Variants in ARID4A observed in about 807,000 individuals in gnomAD.
ARID4A encodes AT-rich interactive domain-containing protein 4A.
A neutral mutation model predicts 148.6 loss-of-function variants in ARID4A; 39 were observed. The observed-to-expected ratio is 0.26, with a 90% CI of 0.20 to 0.34. ARID4A has a LOEUF of 0.34. Ranked by LOEUF, ARID4A falls within the 10% of genes least tolerant of loss-of-function variation. The pLI, the probability that ARID4A is intolerant of heterozygous loss-of-function variation, is 1.00. For synonymous variants in ARID4A, 475 were observed against 481.2 expected (o/e 0.99, Z 0.17); for missense variants, 1,265 against 1,449.1 (o/e 0.87, Z 2.06).
At chr14:58,361,381 A>T (rs1394764981) in intron 19 of ARID4A, among the ~76,000 whole-genome samples, 1 of 152,160 alleles carries the variant, frequency 6.6e-6, no homozygotes, top group Non-Finnish European at 1.5e-5. Context: ...TTTGTTCATG[A>T]AATAAAGATT....
chr14:58,313,374 C>G (rs900357370), intron 5 of ARID4A, among the ~76,000 whole-genome samples: 2 of 152,144 alleles, frequency 1.3e-5, no homozygotes, highest in African/African-American at 4.8e-5. Context: ...GAATGCACAA[C>G]CTATTGGTAG....
chr14:58,363,718 A>G (rs1005853764), intron 19 of ARID4A, among the ~76,000 whole-genome samples: 1 of 152,110 alleles, frequency 6.6e-6, no homozygotes, highest in Non-Finnish European at 1.5e-5. Flanking sequence ...AAAGAAAAGA[A>G]AAAACCTTTT....
Position 58,366,189 on chromosome 14 carries a change from C to T in ARID4A, c.3482C>T (p.Pro1161Leu), listed in dbSNP as rs779006151. 8 of 1,613,674 alleles carry T rather than the reference C, an allele frequency of 5.0e-6. No individual in the cohort carries two copies. Among genetic ancestry groups the T allele is most frequent in the African/African-American group, 1.3e-5 (1 of 74,898 alleles). Residue 1161 changes from proline to leucine, a missense_variant, in exon 22 of 24, where the codon CCG becomes CTG. Physicochemically the swap from Pro to Leu is moderately conservative, Grantham distance 98. Transcript: ENST00000355431. ...GEKDKHREKH[P>L]NSSPRTYKWS... Reference sequence around the variant, plus strand: ...AAAGATAAACACAGAGAAAAACATCCGAATTCATCCCCTAGGACATATAAA... The same window carrying T: ...AAAGATAAACACAGAGAAAAACATCTGAATTCATCCCCTAGGACATATAAA...
At chr14:58,322,497 C>T (rs942216161) in intron 7 of ARID4A, among the ~76,000 whole-genome samples, 1 of 151,638 alleles carries the variant, frequency 6.6e-6, no homozygotes, top group Admixed American at 6.6e-5. Flanking sequence ...TAGATGCAGT[C>T]AATAAAGAAA....
intron 11 of ARID4A, among the ~76,000 whole-genome samples, chr14:58,334,768 G>C (rs1423189474): frequency 6.6e-6 from 1 of 152,084 alleles, no homozygotes; most frequent in Non-Finnish European, 1.5e-5. Context: ...TTCAGGAAAA[G>C]AGAGACTATC....
At chr14:58,366,673 TTAG>T (rs1173961268) in intron 22 of ARID4A, among the ~76,000 whole-genome samples, 1 of 152,182 alleles carries the variant, frequency 6.6e-6, no homozygotes, top group African/African-American at 2.4e-5. Context: ...TAATAAATGT[TTAG>T]TATAGAAAAT....
intron 8 of ARID4A, among the ~76,000 whole-genome samples, chr14:58,326,388 G>A (rs934504749): frequency 2.0e-5 from 3 of 152,210 alleles, no homozygotes; most frequent in African/African-American, 7.2e-5. Context: ...GGTGAGCTGA[G>A]ATCGCGCCAC....
Position 58,299,823 on chromosome 14 carries a change from C to A in ARID4A, c.-32C>A, listed in dbSNP as rs1489930276. 6.2e-7 allele frequency: 1 copy of A among 1,614,206 alleles called. No individual in the cohort carries two copies. The highest frequency in any genetic ancestry group is 1.7e-5 in the Admixed American group (1 of 60,034). ...TTCTAGCGACTGCGAAGATAGCTCG[C>A]TGAGCTGGAACCCCACAGATCACCA... On this transcript the variant is annotated 5_prime_UTR_variant, in exon 2 of 24. In the 5' UTR this introduces an upstream ATG that the reference lacks. Transcript: ENST00000355431.
intron 4 of ARID4A, 29 bp from the exon 5 acceptor site, chr14:58,305,993 G>C: frequency 2.6e-6 from 4 of 1,551,972 alleles, no homozygotes; most frequent in Non-Finnish European, 2.7e-6. Context: ...GTTTAAATTT[G>C]GTAAGGAAAT....
Position 58,364,459 on chromosome 14 carries a change from A to T in ARID4A, c.2370A>T (p.Pro790=). 6.2e-7 allele frequency: 1 copy of T among 1,613,344 alleles called. No homozygotes were observed. The highest frequency in any genetic ancestry group is 8.5e-7 in the Non-Finnish European group (1 of 1,179,868). ...TTAAGAAAGAAGCCGAAAAATCTCC[A>T]AAAGGAAAGGGAAGACGAAGCAAGA... is the stretch of plus-strand genomic sequence containing the variant. ...EEVKKEAEKS[P]KGKGRRSKTK... The change falls in exon 20 of 24, where the codon CCA becomes CCT. Residue 790 remains proline, a synonymous_variant. Transcript: ENST00000355431.
Position 58,364,545 on chromosome 14 carries a change from G to A in ARID4A, c.2456G>A (p.Ser819Asn). The change falls in exon 20 of 24, where the codon AGT (serine) becomes AAT (asparagine). Residue 819 changes from serine (S) to asparagine (N), a missense_variant. Coordinates refer to ENST00000355431, the MANE Select transcript of ARID4A (RefSeq NM_002892.4). ...ISSFGQNEAG[S>N]EPHIEAHSLE... ...TCATTTGGCCAGAATGAAGCAGGAA[G>A]TGAACCTCATATAGAAGCTCATAGT... 6.2e-7 allele frequency: 1 copy of A among 1,611,328 alleles called. No individual in the cohort carries two copies. The highest frequency in any genetic ancestry group is 8.5e-7 in the Non-Finnish European group (1 of 1,179,510).
At chr14:58,329,494 A>G (rs2033399503) in intron 9 of ARID4A, 34 bp from the exon 10 acceptor site, 2 of 1,380,838 alleles carry the variant, frequency 1.4e-6, no homozygotes, top group African/African-American at 2.9e-5. Context: ...TTTATTGAAT[A>G]AATTGTTTTC....
At chr14:58,328,205 A>G in intron 8 of ARID4A, 32 bp from the exon 9 acceptor site, 2 of 1,432,482 alleles carry the variant, frequency 1.4e-6, no homozygotes, top group Non-Finnish European at 2.0e-6. Flanking sequence ...CACAGGAAAT[A>G]GGAATCAATC....
At chr14:58,310,602 G>A (rs1426693106) in intron 5 of ARID4A, among the ~76,000 whole-genome samples, 2 of 151,944 alleles carry the variant, frequency 1.3e-5, no homozygotes, top group African/African-American at 4.8e-5. Context: ...CATCTCACTC[G>A]ATATACAAAA....
intron 17 of ARID4A, among the ~76,000 whole-genome samples, chr14:58,354,700 A>G (rs936092907): frequency 2.2e-4 from 33 of 151,816 alleles, no homozygotes; most frequent in Middle Eastern, 3.4e-3. Flanking sequence ...AAAAAAAAAA[A>G]AAAGAAAAAA....
At chr14:58,306,186 T>A (rs1200532999) in intron 5 of ARID4A, 74 bp downstream of exon 5, 29 of 1,042,264 alleles carry the variant, frequency 2.8e-5, no homozygotes, top group Non-Finnish European at 4.2e-5. Context: ...ATACACTGAA[T>A]CATTGTGTTG....
At position 58,305,919 on chromosome 14, in the gene ARID4A, A is replaced by AT. The variant is rs1361546004; in HGVS notation, c.184-102dup. 4 of 780,058 alleles carry AT rather than the reference A, an allele frequency of 5.1e-6. No individual in the cohort carries two copies. The African/African-American group carries it at 6.9e-5, about 13-fold the overall frequency. 48.3% of individuals were successfully genotyped at this position (780,058 alleles called of 1,614,324 possible). On this transcript the variant is annotated intron_variant, in intron 4 of 23. Transcript: ENST00000355431. ...TCAGACAGTGTAAGATAGAATTATCATAAGTATGGTGTTTATTTTTCTTAG... is the reference window on the plus strand; with the variant it reads ...TCAGACAGTGTAAGATAGAATTATCATTAAGTATGGTGTTTATTTTTCTTAG...
intron 11 of ARID4A, among the ~76,000 whole-genome samples, chr14:58,340,743 C>G (rs911549366): frequency 3.9e-5 from 6 of 152,220 alleles, no homozygotes; most frequent in Middle Eastern, 3.4e-3. Flanking sequence ...TCTTGGCCCC[C>G]CAAAGTGCTG....
At chr14:58,351,028 C>A (rs749631374) in intron 15 of ARID4A, 45 bp from the exon 16 acceptor site, 2 of 1,542,896 alleles carry the variant, frequency 1.3e-6, no homozygotes, top group Admixed American at 2.2e-5. Context: ...GCTTTTTTCC[C>A]CTTTATAGTG....
Sources: allele counts gnomAD v4.1 joint callset (sites outside exome capture counted in the v4.1 genomes callset), GRCh38; gene constraint gnomAD v4.1.1; transcripts MANE v1.5; gene names NCBI Gene and HGNC (gene_info 2026-07-23, HGNC 2026-07-21).